The following KISS1 variants were observed in gnomAD, a reference collection of about 807,000 sequenced individuals.
KISS1 encodes KiSS-1 metastasis suppressor, also known as metastasis-suppressor KiSS-1.
For missense variants in KISS1, 182 were observed against 182.7 expected (o/e 1.00, Z 0.02); for synonymous variants, 97 against 88.7 (o/e 1.09, Z -0.52).
intron 1 of KISS1, among the ~76,000 whole-genome samples, chr1:204,194,428 T>C (rs1558254280): frequency 6.6e-6 from 1 of 152,260 alleles, no homozygotes; most frequent in East Asian, 1.9e-4. Context: ...GAGAGAATAG[T>C]GTAAAAGCAT....
At chr1:204,194,465 G>A (rs1484646890) in intron 1 of KISS1, among the ~76,000 whole-genome samples, 2 of 152,164 alleles carry the variant, frequency 1.3e-5, no homozygotes, top group African/African-American at 4.8e-5. Context: ...ACAGGGTCTG[G>A]GTTGATTTGG....
At chr1:204,195,174 C>A (rs925760865) in intron 1 of KISS1, among the ~76,000 whole-genome samples, 10 of 42,738 alleles carry the variant, frequency 2.3e-4, no homozygotes, top group African/African-American at 7.3e-4. Flanking sequence ...ATACACCACA[C>A]ACACCACACA....
chr1:204,190,409 T>TCCCCCCCCCCCCCCCCCCCCCCCC lies in KISS1; in HGVS notation c.*74_*75insGGGGGGGGGGGGGGGGGGGGGGGG. On this transcript the variant is annotated 3_prime_UTR_variant, in exon 3 of 3. Transcript: ENST00000367194. ...CAGCGCCCCCTCCCTTAGCCCTACG[T>TCCCCCCCCCCCCCCCCCCCCCCCC]CCCCGCCCCCCGCCCCCGCCCCGCA... 3 of 570,118 alleles carry TCCCCCCCCCCCCCCCCCCCCCCCC rather than the reference T, an allele frequency of 5.3e-6. No homozygotes were observed. The highest frequency in any genetic ancestry group is 3.2e-5 in the South Asian group (2 of 62,524). The allele number at this position is 570,118 out of a possible 1,614,324, so 35.3% of individuals were successfully genotyped here.
At chr1:204,195,292 A>G (rs370833675) in intron 1 of KISS1, among the ~76,000 whole-genome samples, 79 of 9,388 alleles carry the variant, frequency 8.4e-3, no homozygotes, top group Admixed American at 9.7e-3. Context: ...CACACCACAC[A>G]CATACACCCA....
chr1:204,193,191 A>G (rs1464351218), intron 1 of KISS1, among the ~76,000 whole-genome samples: 2 of 152,220 alleles, frequency 1.3e-5, no homozygotes, highest in African/African-American at 4.8e-5. Flanking sequence ...AAAAAAGGAA[A>G]GACCCAATTT....
intron 1 of KISS1, 99 bp from the exon 2 acceptor site, chr1:204,193,013 G>A: frequency 1.4e-6 from 1 of 708,168 alleles, no homozygotes; most frequent in South Asian, 1.5e-5. Context: ...CTCCAAGAGA[G>A]GGGCAAGTTC....
In KISS1 at chr1:204,190,416, C is replaced by A. The variant is rs907418491; in HGVS notation, c.*68G>T. 3.5e-5 allele frequency: 21 copies of A among 606,944 alleles called. 2 individuals are homozygous for A. Among genetic ancestry groups the A allele is most frequent in the Middle Eastern group, 9.0e-4 (2 of 2,210 alleles). 37.6% of individuals were successfully genotyped at this position (606,944 alleles called of 1,614,324 possible). On this transcript the variant is annotated 3_prime_UTR_variant, in exon 3 of 3. Coordinates refer to ENST00000367194, the MANE Select transcript of KISS1 (RefSeq NM_002256.4). ...CCCTCCCTTAGCCCTACGTCCCCGC[C>A]CCCCGCCCCCGCCCCGCATGCTCTG... is the stretch of plus-strand genomic sequence containing the variant.
chr1:204,190,594 C>A lies in KISS1; in HGVS notation c.307G>T (p.Val103Leu). ...TTCGGCAGGTCCTTCTCCCGCTGCA[C>A]CAGCACCGCGCCCTGGGGTGCGGGG... ...QIPAPQGAVL[V>L]QREKDLPNYN... The change falls in exon 3 of 3, where the codon GTG (valine) becomes TTG (leucine). Residue 103 changes from valine to leucine, a missense_variant. Transcript: ENST00000367194. 1 of 1,597,978 alleles carries A rather than the reference C, an allele frequency of 6.3e-7. No homozygotes were observed. The highest frequency in any genetic ancestry group is 8.5e-7 in the Non-Finnish European group (1 of 1,172,674).
In KISS1 at chr1:204,190,410, C is replaced by CA; in HGVS notation, c.*73_*74insT. 1 of 440,376 alleles carries CA rather than the reference C, an allele frequency of 2.3e-6. No homozygotes were observed. Among genetic ancestry groups the CA allele is most frequent in the Non-Finnish European group, 4.0e-6 (1 of 250,036 alleles). The allele number at this position is 440,376 out of a possible 1,614,324, so 27.3% of individuals were successfully genotyped here. A position where few individuals can be genotyped will look rare whatever the true frequency, so the allele number is the denominator to read the frequency against. On this transcript the variant is annotated 3_prime_UTR_variant, in exon 3 of 3. Transcript: ENST00000367194. ...AGCGCCCCCTCCCTTAGCCCTACGT[C>CA]CCCGCCCCCCGCCCCCGCCCCGCAT...
Position 204,190,508 on chromosome 1 carries a change from G to C in KISS1, c.393C>G (p.His131Gln). The change falls in exon 3 of 3, where the codon CAC (histidine) becomes CAG (glutamine). Residue 131 changes from histidine (H) to glutamine (Q), a missense_variant. Coordinates refer to ENST00000367194, the MANE Select transcript of KISS1 (RefSeq NM_002256.4). ...FGKREAAPGN[H>Q]GRSAGRG Reference sequence around the variant, plus strand: ...CTCAGCCCCGCCCAGCGCTTCTGCCGTGGTTCCCTGGTGCCGCCTCCCGCT... The same window carrying C: ...CTCAGCCCCGCCCAGCGCTTCTGCCCTGGTTCCCTGGTGCCGCCTCCCGCT... 1.3e-6 allele frequency: 2 copies of C among 1,590,250 alleles called. No homozygotes were observed. Among genetic ancestry groups the C allele is most frequent in the African/African-American group, 1.4e-5 (1 of 70,636 alleles).
At chr1:204,195,287 C>T (rs373488363) in intron 1 of KISS1, among the ~76,000 whole-genome samples, 74 of 21,418 alleles carry the variant, frequency 3.5e-3, no homozygotes, top group Admixed American at 4.1e-3. Flanking sequence ...CCACACACAC[C>T]ACACACATAC....
chr1:204,190,530 C>T lies in KISS1; in HGVS notation c.371G>A (p.Arg124Gln). ...GCCGTGGTTCCCTGGTGCCGCCTCCCGCTTGCCGAAGCGCAGGCCGAAGGA... is the reference window on the plus strand; with the variant it reads ...GCCGTGGTTCCCTGGTGCCGCCTCCTGCTTGCCGAAGCGCAGGCCGAAGGA... ...WNSFGLRFGKREAAPGNHGRS... is the reference protein window; with the variant it reads ...WNSFGLRFGKQEAAPGNHGRS... Residue 124 changes from arginine to glutamine, a missense_variant, in exon 3 of 3, where the codon CGG (arginine) becomes CAG (glutamine). Physicochemically the swap from Arg to Gln is conservative, Grantham distance 43. Transcript: ENST00000367194. 6.2e-7 allele frequency: 1 copy of T among 1,609,128 alleles called. No individual in the cohort carries two copies. The highest frequency in any genetic ancestry group is 8.5e-7 in the Non-Finnish European group (1 of 1,178,612).
rs376166081 is a variant in KISS1, at chr1:204,190,828, G to A, written c.104-31C>T. Reference sequence around the variant, plus strand: ...ACAGAGGGCACAGAAAGATGAGGCCGGGGTCCGGGAAAGATGGCTTTGCAA... The same window carrying A: ...ACAGAGGGCACAGAAAGATGAGGCCAGGGTCCGGGAAAGATGGCTTTGCAA... On this transcript the variant is annotated intron_variant, in intron 2 of 2. Coordinates refer to ENST00000367194, the MANE Select transcript of KISS1 (RefSeq NM_002256.4). 299 of 1,581,254 alleles carry A rather than the reference G, an allele frequency of 1.9e-4. 1 individual carries two copies. In the African/African-American group the frequency reaches 3.7e-3, roughly 20 times the overall value.
At position 204,194,790 on chromosome 1, in the gene KISS1, G is replaced by A. The variant is rs560046110; in HGVS notation, c.-39+1586C>T. Among the ~76,000 whole-genome samples the A allele has an allele frequency of 5.3e-5, 8 of 152,196 alleles. No individual in the cohort carries two copies. The South Asian group carries it at 8.3e-4, about 16-fold the overall frequency. On this transcript the variant is annotated intron_variant, in intron 1 of 2. Transcript: ENST00000367194. ...AGTGTTCCCAGGACGGTGCTAAGGCGCTGAAGCAAGGGCAGGGGCTGAGTG... is the reference window on the plus strand; with the variant it reads ...AGTGTTCCCAGGACGGTGCTAAGGCACTGAAGCAAGGGCAGGGGCTGAGTG...
Position 204,190,409 on chromosome 1 carries a change from T to TTGCCC in KISS1, c.*74_*75insGGGCA. ...CAGCGCCCCCTCCCTTAGCCCTACG[T>TTGCCC]CCCCGCCCCCCGCCCCCGCCCCGCA... On this transcript the variant is annotated 3_prime_UTR_variant, in exon 3 of 3. Coordinates refer to ENST00000367194, the MANE Select transcript of KISS1 (RefSeq NM_002256.4). The TTGCCC allele has an allele frequency of 8.6e-5, 49 of 570,022 alleles. 1 individual carries two copies. The highest frequency in any genetic ancestry group is 1.9e-4 in the South Asian group (12 of 62,524). The allele number at this position is 570,022 out of a possible 1,614,324, so 35.3% of individuals were successfully genotyped here.
chr1:204,193,099 C>T (rs988178744), intron 1 of KISS1, among the ~76,000 whole-genome samples, 185 bp from the exon 2 acceptor site: 7 of 152,136 alleles, frequency 4.6e-5, no homozygotes, highest in Admixed American at 1.3e-4. Context: ...ACTCTTTACA[C>T]AGTGTAGTTA....
chr1:204,195,237 GCATA>G (rs1658824491), intron 1 of KISS1, among the ~76,000 whole-genome samples: 1 of 2,382 alleles, frequency 4.2e-4, no homozygotes, highest in Non-Finnish European at 9.0e-4. Context: ...ACATATACAC[GCATA>G]CACCCATACA....
chr1:204,194,378 C>G (rs981044184), intron 1 of KISS1, among the ~76,000 whole-genome samples: 7 of 152,162 alleles, frequency 4.6e-5, no homozygotes, highest in Non-Finnish European at 1.0e-4. Context: ...CCTTAAGGCC[C>G]AGGGCTGGGG....
chr1:204,195,619 C>G (rs1336161097), intron 1 of KISS1, among the ~76,000 whole-genome samples: 1 of 150,974 alleles, frequency 6.6e-6, no homozygotes, highest in East Asian at 2.0e-4. Flanking sequence ...CACACATACA[C>G]CCATACACGT....
Sources: allele counts gnomAD v4.1 joint callset (sites outside exome capture counted in the v4.1 genomes callset), GRCh38; gene constraint gnomAD v4.1.1; transcripts MANE v1.5; gene names NCBI Gene and HGNC (gene_info 2026-07-23, HGNC 2026-07-21).